MILR1: variants seen among roughly 807,000 people sequenced by gnomAD.
MILR1 encodes mast cell immunoglobulin like receptor 1, also known as allergin-1.
A neutral mutation model predicts 18.5 loss-of-function variants in MILR1; 31 were observed. The ratio of observed to expected loss-of-function variants is 1.68; its 90% CI spans 1.26 to 2.26. MILR1 has a LOEUF of 2.26. Ranked by LOEUF, MILR1 falls within the 30% of genes most tolerant of loss-of-function variation. The pLI is 0.00. For synonymous variants in MILR1, 85 were observed against 56.2 expected (o/e 1.51, Z -2.30); for missense variants, 257 against 157.4 (o/e 1.63, Z -3.38).
At chr17:64,475,475 C>T in the MILR1 span, among the ~76,000 whole-genome samples, 1 of 151,636 alleles carries the variant, frequency 6.6e-6, no homozygotes, top group Non-Finnish European at 1.5e-5. Flanking sequence ...ATGGAGAAAC[C>T]CCATCTCTAC....
chr17:64,488,469 G>C, the MILR1 span, among the ~76,000 whole-genome samples: 4 of 150,204 alleles, frequency 2.7e-5, no homozygotes, highest in Non-Finnish European at 5.9e-5. Flanking sequence ...CAGAAAGGCA[G>C]AGGCAGGAGA....
At chr17:64,496,849 T>A in the MILR1 span, 1 of 1,613,826 alleles carries the variant, frequency 6.2e-7, no homozygotes, top group Non-Finnish European at 8.5e-7. Context: ...CATGCCCTCC[T>A]TTGGGGCTAC....
the MILR1 span, among the ~76,000 whole-genome samples, chr17:64,484,902 C>T: frequency 3.3e-5 from 5 of 152,160 alleles, no homozygotes; most frequent in Admixed American, 1.3e-4. Flanking sequence ...TTTGGGGCAG[C>T]TTCCTTTTAT....
Position 64,467,900 on chromosome 17 carries a change from A to G in MILR1, c.*28+255A>G, listed in dbSNP as rs540782446. 4.4e-5 allele frequency: 14 copies of G among 317,042 alleles called. No individual in the cohort carries two copies. The East Asian group carries it at 1.0e-3, about 23-fold the overall frequency. The allele number at this position is 317,042 out of a possible 1,614,324, so 19.6% of individuals were successfully genotyped here. A position where few individuals can be genotyped will look rare whatever the true frequency, so the allele number is the denominator to read the frequency against. ...CAGTGAGCCAAGATCGTGCCACTGCACTACAGCCTGGGCGACAAGAGCAAG... is the reference window on the plus strand; with the variant it reads ...CAGTGAGCCAAGATCGTGCCACTGCGCTACAGCCTGGGCGACAAGAGCAAG... On this transcript the variant is annotated intron_variant, in intron 9 of 9. Transcript: ENST00000619286.
chr17:64,488,636 A>G, the MILR1 span, among the ~76,000 whole-genome samples: 6 of 152,252 alleles, frequency 3.9e-5, no homozygotes, highest in Non-Finnish European at 8.8e-5. Context: ...TTCGTTAACT[A>G]TGATAATAAC....
rs1200586705 is a variant in MILR1 at position 64,463,817 on chromosome 17, A to ATTTT, written c.764-1614_764-1611dup. Among the ~76,000 whole-genome samples the ATTTT allele has an allele frequency of 2.5e-4, 26 of 103,936 alleles. 1 individual carries two copies. Among genetic ancestry groups the ATTTT allele is most frequent in the African/African-American group, 1.0e-3 (26 of 24,852 alleles). The allele number at this position is 103,936 out of a possible 152,430, so 68.2% of individuals were successfully genotyped here. A position where few individuals can be genotyped will look rare whatever the true frequency, so the allele number is the denominator to read the frequency against. ...AGGTATGCACCACAACTCCTGGCTA[A>ATTTT]TTTTTTTTTTTTTTTTTTTTTTTTG... On this transcript the variant is annotated intron_variant, in intron 5 of 9. Transcript: ENST00000619286.
chr17:64,462,478 G>A (rs1372280179), intron 5 of MILR1, among the ~76,000 whole-genome samples: 1 of 152,150 alleles, frequency 6.6e-6, no homozygotes, highest in African/African-American at 2.4e-5. Flanking sequence ...TGCCACATAC[G>A]TAGGGGAGGT....
rs1267670289 is a variant in MILR1, at chr17:64,464,263, C to T, written c.764-1189C>T. ...ACCTGAGTAGTTGGGACCACAGGCG[C>T]GCACCACCATGCCTGGCTAATTTTT... is the stretch of plus-strand genomic sequence containing the variant. On this transcript the variant is annotated intron_variant, in intron 5 of 9. Transcript: ENST00000619286. 2.8e-3 allele frequency among the ~76,000 whole-genome samples: 423 copies of T among 150,748 alleles called. 1 individual carries two copies. Among genetic ancestry groups the T allele is most frequent in the African/African-American group, 1.0e-2 (410 of 41,026 alleles).
the MILR1 span, chr17:64,490,905 T>C: frequency 1.9e-6 from 3 of 1,613,902 alleles, no homozygotes; most frequent in Non-Finnish European, 1.7e-6. Context: ...GTAAAGTTTG[T>C]TTCCTTTCCG....
At chr17:64,461,115 A>G (rs2037422415) in intron 5 of MILR1, among the ~76,000 whole-genome samples, 183 bp downstream of exon 5, 1 of 152,076 alleles carries the variant, frequency 6.6e-6, no homozygotes, top group African/African-American at 2.4e-5. Flanking sequence ...GTTCATGCAG[A>G]GGGTAATTCT....
At chr17:64,449,946 C>CTTTCT (rs118198823) in intron 2 of MILR1, among the ~76,000 whole-genome samples, 5,313 of 144,868 alleles carry the variant, frequency 0.037, 366 homozygotes, top group African/African-American at 0.13. Flanking sequence ...TTCTTTCTTT[C>CTTTCT]TTTTTTTTTT....
At chr17:64,473,559 C>A (rs2037724330), downstream of MILR1, among the ~76,000 whole-genome samples, 1 of 152,154 alleles carries the variant, frequency 6.6e-6, no homozygotes, top group Admixed American at 6.5e-5. Flanking sequence ...GAGACAGTAA[C>A]TGAGATCTGC....
At chr17:64,497,091 G>T in the MILR1 span, 1 of 1,043,212 alleles carries the variant, frequency 9.6e-7, no homozygotes, top group Non-Finnish European at 1.4e-6. Flanking sequence ...CGTGCTTGCG[G>T]GCGGCAGGCC....
At chr17:64,466,202 C>A (rs1395934188) in intron 6 of MILR1, among the ~76,000 whole-genome samples, 1 of 152,164 alleles carries the variant, frequency 6.6e-6, no homozygotes, top group Non-Finnish European at 1.5e-5. Context: ...AAGAGTATGA[C>A]AGAAACCACC....
the MILR1 span, among the ~76,000 whole-genome samples, chr17:64,489,916 CTAGT>C: frequency 4.6e-5 from 7 of 151,884 alleles, no homozygotes; most frequent in Admixed American, 2.0e-4. Flanking sequence ...TTATTAATTA[CTAGT>C]TAATTTTTTT....
At chr17:64,450,889 C>T (rs2037155534) in intron 2 of MILR1, among the ~76,000 whole-genome samples, 2 of 152,156 alleles carry the variant, frequency 1.3e-5, no homozygotes, top group Non-Finnish European at 2.9e-5. Flanking sequence ...AACAATGCTA[C>T]AATAAACATC....
the MILR1 span, among the ~76,000 whole-genome samples, chr17:64,475,668 C>A: frequency 2.7e-4 from 39 of 146,566 alleles, no homozygotes; most frequent in East Asian, 9.9e-4. Context: ...AAAAAAACAA[C>A]AAAAAAAGTA....
the MILR1 span, chr17:64,496,587 C>G: frequency 6.2e-7 from 1 of 1,613,624 alleles, no homozygotes; most frequent in Non-Finnish European, 8.5e-7. Context: ...AGGGCGTCCA[C>G]CGGGAATACC....
intron 2 of MILR1, among the ~76,000 whole-genome samples, chr17:64,450,718 G>A (rs1298022310): frequency 6.6e-6 from 1 of 152,076 alleles, no homozygotes; most frequent in African/African-American, 2.4e-5. Flanking sequence ...TCTTGACCTC[G>A]TGATCCTCCT....
Sources: allele counts gnomAD v4.1 joint callset (sites outside exome capture counted in the v4.1 genomes callset), GRCh38; gene constraint gnomAD v4.1.1; transcripts MANE v1.5; gene names NCBI Gene and HGNC (gene_info 2026-07-23, HGNC 2026-07-21).